C8orf34: variants seen among roughly 807,000 people sequenced by gnomAD.
C8orf34 encodes uncharacterized protein C8orf34.
A neutral mutation model predicts 68.3 loss-of-function variants in C8orf34; 65 were observed. The observed-to-expected ratio is 0.95, with a 90% CI of 0.78 to 1.17. The LOEUF is 1.17. Ranked by LOEUF, C8orf34 falls within the 50% of genes most tolerant of loss-of-function variation. C8orf34 has a pLI of 0.00. For missense variants in C8orf34, 664 were observed against 655.4 expected, an observed-to-expected ratio of 1.01 and a Z score of -0.14; for synonymous variants, 244 against 241.2, an observed-to-expected ratio of 1.01 and a Z score of -0.11.
intron 10 of C8orf34, among the ~76,000 whole-genome samples, chr8:68,774,944 T>TA (rs1224756627): frequency 0.079 from 3,512 of 44,626 alleles, 373 homozygotes; most frequent in Non-Finnish European, 0.1. Context: ...CTGTCTCCAC[T>TA]AAAAAAAAAA....
chr8:68,575,956 G>GGTT (rs747862590), intron 7 of C8orf34, among the ~76,000 whole-genome samples: 81 of 96,326 alleles, frequency 8.4e-4, no homozygotes, highest in East Asian at 1.5e-3. Context: ...GTAGATGGTT[G>GGTT]TTTTTTTTTT....
intron 5 of C8orf34, among the ~76,000 whole-genome samples, chr8:68,502,072 T>C (rs1180416144): frequency 2.0e-5 from 3 of 152,156 alleles, no homozygotes; most frequent in Non-Finnish European, 4.4e-5. Flanking sequence ...GTTTGTTTGA[T>C]TGTTTATTCG....
At chr8:68,650,425 C>T (rs976715497) in intron 8 of C8orf34, among the ~76,000 whole-genome samples, 1 of 151,150 alleles carries the variant, frequency 6.6e-6, no homozygotes, top group African/African-American at 2.4e-5. Flanking sequence ...ATTGGTCGGA[C>T]CAGGTGTGTC....
At chr8:68,343,593 A>ATT (rs71253080) in intron 1 of C8orf34, among the ~76,000 whole-genome samples, 3,549 of 137,294 alleles carry the variant, frequency 0.026, 132 homozygotes, top group African/African-American at 0.084. Context: ...TGCCTAGCTA[A>ATT]TTTTTTTTTT....
At chr8:68,810,085 G>A (rs1486122369) in intron 12 of C8orf34, among the ~76,000 whole-genome samples, 2 of 151,136 alleles carry the variant, frequency 1.3e-5, no homozygotes, top group Non-Finnish European at 2.9e-5. Context: ...GTGGCCAGTG[G>A]CATCTTTGCC....
intron 12 of C8orf34, 40 bp from the exon 13 acceptor site, chr8:68,815,846 C>T: frequency 6.2e-7 from 1 of 1,613,256 alleles, no homozygotes; most frequent in Non-Finnish European, 8.5e-7. Flanking sequence ...GATGATTTTT[C>T]CTGGCCTGGC....
chr8:68,444,586 T>C (rs1811045851), intron 2 of C8orf34, among the ~76,000 whole-genome samples: 1 of 152,156 alleles, frequency 6.6e-6, no homozygotes, highest in Admixed American at 6.5e-5. Context: ...TCTCTCCATA[T>C]AGCTTGGAAC....
rs143906166 is a variant in C8orf34 at position 68,656,935 on chromosome 8, G to A, written c.1241+16424G>A. ...AAAGTTGAAATTCTTTTAGATTTTG[G>A]TAATAGGAGTAAAAGGTCGTTTGGG... On this transcript the variant is annotated intron_variant, in intron 8 of 13. Coordinates refer to ENST00000518698, the MANE Select transcript of C8orf34 (RefSeq NM_052958.4). Among the ~76,000 whole-genome samples, 22 of 152,310 alleles carry A rather than the reference G, an allele frequency of 1.4e-4. No homozygotes were observed. The East Asian group carries it at 4.1e-3, about 28-fold the overall frequency.
chr8:68,591,198 G>A (rs1180493238), intron 7 of C8orf34, among the ~76,000 whole-genome samples: 1 of 152,058 alleles, frequency 6.6e-6, no homozygotes, highest in African/African-American at 2.4e-5. Context: ...CCAAACTAAA[G>A]GTCCTAACTC....
At chr8:68,780,660 C>T (rs180699451) in intron 11 of C8orf34, among the ~76,000 whole-genome samples, 17 of 152,194 alleles carry the variant, frequency 1.1e-4, no homozygotes, top group Non-Finnish European at 2.4e-4. Flanking sequence ...CAGCTCATGC[C>T]TGTAATCCCA....
At chr8:68,603,830 C>T (rs1817776925) in intron 7 of C8orf34, among the ~76,000 whole-genome samples, 1 of 152,014 alleles carries the variant, frequency 6.6e-6, no homozygotes, top group Admixed American at 6.6e-5. Flanking sequence ...CCAAACTTTT[C>T]AAATTACACT....
At chr8:68,789,544 T>C (rs954003916) in intron 12 of C8orf34, among the ~76,000 whole-genome samples, 2 of 152,200 alleles carry the variant, frequency 1.3e-5, no homozygotes, top group African/African-American at 4.8e-5. Flanking sequence ...CTAATACGCA[T>C]TGCCTTTCTG....
At chr8:68,733,421 T>C (rs1306708442) in intron 10 of C8orf34, among the ~76,000 whole-genome samples, 3 of 152,206 alleles carry the variant, frequency 2.0e-5, no homozygotes, top group Non-Finnish European at 4.4e-5. Context: ...AGAGTTAGCC[T>C]CCATTAACAT....
Position 68,460,897 on chromosome 8 carries a change from C to A in C8orf34, c.608-7795C>A, listed in dbSNP as rs188091247. ...AAAAAGCAGAGTGCCTCTCCTCCTC[C>A]AAAGGAACGCAGTTCCTCACCAGCA... On this transcript the variant is annotated intron_variant, in intron 3 of 13. Coordinates refer to ENST00000518698, the MANE Select transcript of C8orf34 (RefSeq NM_052958.4). 2.1e-3 allele frequency among the ~76,000 whole-genome samples: 325 copies of A among 152,322 alleles called. 1 individual carries two copies. Among genetic ancestry groups the A allele is most frequent in the African/African-American group, 7.0e-3 (293 of 41,562 alleles).
intron 7 of C8orf34, among the ~76,000 whole-genome samples, chr8:68,632,151 T>A (rs756249593): frequency 6.6e-6 from 1 of 152,168 alleles, no homozygotes; most frequent in Admixed American, 6.5e-5. Flanking sequence ...GATAGTGACA[T>A]GGACAATGAA....
chr8:68,559,473 G>C (rs1159186315), intron 7 of C8orf34, among the ~76,000 whole-genome samples: 1 of 152,138 alleles, frequency 6.6e-6, no homozygotes, highest in Non-Finnish European at 1.5e-5. Flanking sequence ...AGGAATTTTA[G>C]TTTTGCAAAT....
chr8:68,535,977 G>A, intron 7 of C8orf34: 1 of 560,508 alleles, frequency 1.8e-6, no homozygotes, highest in Non-Finnish European at 2.3e-6. Context: ...AATCGTTCTG[G>A]CAATTAATGA....
intron 7 of C8orf34, among the ~76,000 whole-genome samples, chr8:68,584,293 C>T (rs1490121515): frequency 1.3e-5 from 2 of 151,844 alleles, no homozygotes; most frequent in Admixed American, 1.3e-4. Flanking sequence ...TGATAGCGTT[C>T]TCTGAGAAAA....
chr8:68,644,011 C>T (rs750466829), intron 8 of C8orf34, among the ~76,000 whole-genome samples: 6 of 152,088 alleles, frequency 3.9e-5, no homozygotes, highest in Admixed American at 3.3e-4. Context: ...AGTCTAGAGG[C>T]GTTTGTAACC....
Sources: gnomAD v4.1 joint callset for allele counts (sites outside exome capture counted in the v4.1 genomes callset) on GRCh38, gnomAD v4.1.1 for gene constraint, MANE v1.5 for transcripts, NCBI Gene and HGNC (gene_info 2026-07-23, HGNC 2026-07-21) for gene names.